Variants in EXT2 observed in about 807,000 individuals in gnomAD.
EXT2 encodes exostosin glycosyltransferase 2, also known as exostosin-2.
Under a neutral mutation model 81.6 loss-of-function variants are expected in EXT2, and 53 were observed. The ratio of observed to expected loss-of-function variants is 0.65; its 90% confidence interval spans 0.52 to 0.82. EXT2 has a LOEUF of 0.82. EXT2 is among the 40% of genes least tolerant of loss of function. The probability of loss-of-function intolerance (pLI) is 0.00; values close to 1 mark genes in which losing one functional copy is unlikely to be tolerated. For missense variants in EXT2, 774 were observed against 910.2 expected (o/e 0.85, Z 1.93); for synonymous variants, 320 against 340.0 (o/e 0.94, Z 0.65).
rs1279920600 is a variant in EXT2, at chr11:44,171,663, C to T, written c.1226C>T (p.Ala409Val). The stretch of plus-strand genomic sequence containing the variant: ...CAGTCAATTAAAGCCATTGCCCTGG[C>T]CACCCTGCAGATTATCAATGACCGG... Reference protein sequence around the residue: ...YFQSIKAIALATLQIINDRIY... With the variant: ...YFQSIKAIALVTLQIINDRIY... The change falls in exon 8 of 14, where the codon GCC becomes GTC. Residue 409 changes from alanine (A) to valine (V), a missense_variant. By Grantham distance (64) the Ala-to-Val change is moderately conservative. Transcript: ENST00000533608. 4 of 1,614,004 alleles carry T rather than the reference C, an allele frequency of 2.5e-6. No homozygotes were observed. In the African/African-American group the frequency reaches 5.3e-5, roughly 22 times the overall value.
Position 44,244,180 on chromosome 11 carries a change from T to G in EXT2, c.2050T>G (p.Phe684Val). 1 of 1,614,154 alleles carries G rather than the reference T, an allele frequency of 6.2e-7. No individual in the cohort carries two copies. Among genetic ancestry groups the G allele is most frequent in the Admixed American group, 1.7e-5 (1 of 60,032 alleles). ...GTGCATCAACAAGTTTGCTTCAGTC[T>G]TCGGGACCATGCCTCTCAAGGTGGT... is the stretch of plus-strand genomic sequence containing the variant. ...SECINKFASVFGTMPLKVVEH... is the reference protein window; with the variant it reads ...SECINKFASVVGTMPLKVVEH... Residue 684 changes from phenylalanine to valine, a missense_variant, in exon 14 of 14, where the codon TTC becomes GTC. Phe to Val is a conservative substitution (Grantham distance 50). Around this residue, in one of 2 missense-constraint regions of EXT2, gnomAD observed 148 missense variants for 239.7 expected, o/e 0.62. Transcript: ENST00000533608.
chr11:44,169,933 A>G (rs1955047978), intron 7 of EXT2, among the ~76,000 whole-genome samples: 1 of 152,160 alleles, frequency 6.6e-6, no homozygotes, highest in South Asian at 2.1e-4. Context: ...ATACTTACAT[A>G]TATATGTATA....
At chr11:44,137,767 A>G (rs753077808) in intron 7 of EXT2, among the ~76,000 whole-genome samples, 8 of 152,198 alleles carry the variant, frequency 5.3e-5, no homozygotes, top group Non-Finnish European at 1.0e-4. Context: ...TAAATTTAGG[A>G]GAATTAGGGT....
At chr11:44,224,092 G>A (rs1007337858) in intron 10 of EXT2, among the ~76,000 whole-genome samples, 20 of 152,118 alleles carry the variant, frequency 1.3e-4, no homozygotes, top group African/African-American at 3.6e-4. Context: ...TGGGTAAAGC[G>A]TATACAGGCT....
chr11:44,132,864 T>C (rs1371165015), intron 7 of EXT2, among the ~76,000 whole-genome samples: 1 of 152,248 alleles, frequency 6.6e-6, no homozygotes, highest in Non-Finnish European at 1.5e-5. Context: ...CCCCTTTCTC[T>C]GAGTAATCCA....
At chr11:44,107,187 C>T (rs1039614730) in intron 1 of EXT2, among the ~76,000 whole-genome samples, 17 of 151,572 alleles carry the variant, frequency 1.1e-4, no homozygotes, top group African/African-American at 3.6e-4. Context: ...ATATTAAATA[C>T]ATTATATACT....
intron 4 of EXT2, among the ~76,000 whole-genome samples, chr11:44,122,888 T>G (rs563104943): frequency 2.0e-5 from 3 of 152,334 alleles, no homozygotes; most frequent in Admixed American, 6.5e-5. Flanking sequence ...AACTTTTAAT[T>G]TTATTTACTT....
intron 10 of EXT2, 124 bp downstream of exon 10, chr11:44,207,083 A>G (rs1955592513): frequency 9.0e-7 from 1 of 1,113,140 alleles, no homozygotes; most frequent in Non-Finnish European, 1.3e-6. Context: ...CTTCCAGTAG[A>G]GTCCAAAAGG....
rs1313496393 is a variant in EXT2 at position 44,245,182 on chromosome 11, A to G, written c.*895A>G. 4.4e-6 allele frequency: 1 copy of G among 228,636 alleles called. No individual in the cohort carries two copies. Among genetic ancestry groups the G allele is most frequent in the Admixed American group, 5.7e-5 (1 of 17,624 alleles). 14.2% of individuals were successfully genotyped at this position (228,636 alleles called of 1,614,324 possible). ...TGATTAGATCCAGTCAATGTTTTAA[A>G]GGTATTGTCAGAGAAAAACAGAGGG... On this transcript the variant is annotated 3_prime_UTR_variant, in exon 14 of 14. Transcript: ENST00000533608.
intron 7 of EXT2, among the ~76,000 whole-genome samples, chr11:44,140,542 A>G (rs1474347511): frequency 6.6e-6 from 1 of 152,138 alleles, no homozygotes; most frequent in Admixed American, 6.5e-5. Flanking sequence ...AGGAAAAACC[A>G]TTACCTGGAT....
At chr11:44,187,606 A>G (rs1440609359) in intron 8 of EXT2, among the ~76,000 whole-genome samples, 1 of 152,196 alleles carries the variant, frequency 6.6e-6, no homozygotes, top group Non-Finnish European at 1.5e-5. Flanking sequence ...TATAAGGTTG[A>G]TAGTATAATG....
At chr11:44,138,621 G>C (rs1954603765) in intron 7 of EXT2, among the ~76,000 whole-genome samples, 1 of 151,976 alleles carries the variant, frequency 6.6e-6, no homozygotes. Context: ...ATTTCCTGTA[G>C]CTTTTGTTCC....
At chr11:44,207,343 GACAA>G (rs1402983259) in intron 10 of EXT2, among the ~76,000 whole-genome samples, 3 of 152,270 alleles carry the variant, frequency 2.0e-5, no homozygotes, top group African/African-American at 7.2e-5. Flanking sequence ...TGGCGACACT[GACAA>G]ACAAAGCAGA....
intron 10 of EXT2, among the ~76,000 whole-genome samples, chr11:44,216,253 CAGA>C (rs1267471823): frequency 6.6e-6 from 1 of 152,196 alleles, no homozygotes; most frequent in Non-Finnish European, 1.5e-5. Context: ...TGCTTGGATG[CAGA>C]AGAATAGACC....
chr11:44,117,733 A>C lies in EXT2; in HGVS notation c.743+3432A>C, dbSNP rs76984877. 7.2e-3 allele frequency among the ~76,000 whole-genome samples: 1,100 copies of C among 152,246 alleles called. 9 individuals carry two copies. Among genetic ancestry groups the C allele is most frequent in the East Asian group, 0.031 (161 of 5,182 alleles). ...TAGCTTTGTATTAAGTTTTGAAATA[A>C]ATGTAAGTTCTCCAACTTTGTTCTT... On this transcript the variant is annotated intron_variant, in intron 4 of 13. Coordinates refer to ENST00000533608, the MANE Select transcript of EXT2 (RefSeq NM_207122.2).
At chr11:44,240,482 G>C (rs1408122204) in intron 13 of EXT2, among the ~76,000 whole-genome samples, 1 of 152,178 alleles carries the variant, frequency 6.6e-6, no homozygotes, top group African/African-American at 2.4e-5. Context: ...CTTGAGCTTA[G>C]GAGTTCAAGG....
At chr11:44,103,354 C>T (rs10838233) in intron 1 of EXT2, among the ~76,000 whole-genome samples, 8 of 152,068 alleles carry the variant, frequency 5.3e-5, no homozygotes, top group African/African-American at 1.9e-4. Context: ...ATTATCCCAT[C>T]GGCTTCTACA....
At chr11:44,210,497 A>AG (rs1955634858) in intron 10 of EXT2, among the ~76,000 whole-genome samples, 1 of 152,134 alleles carries the variant, frequency 6.6e-6, no homozygotes, top group South Asian at 2.1e-4. Flanking sequence ...GTAAGTGGGG[A>AG]GGGTCAGGCT....
chr11:44,180,829 C>T (rs548910130), intron 8 of EXT2, among the ~76,000 whole-genome samples: 7 of 152,236 alleles, frequency 4.6e-5, no homozygotes, highest in East Asian at 1.9e-4. Flanking sequence ...TGGCTGGGCG[C>T]GGTGGCTCAC....
Sources: allele counts gnomAD v4.1 joint callset (sites outside exome capture counted in the v4.1 genomes callset), GRCh38; gene constraint gnomAD v4.1.1; regional missense constraint gnomAD v4.1.1; transcripts MANE v1.5; gene names NCBI Gene and HGNC (gene_info 2026-07-23, HGNC 2026-07-21).